NPAT: variants seen among roughly 807,000 people sequenced by gnomAD.
NPAT encodes protein NPAT.
In NPAT, 52 loss-of-function variants were observed where a neutral mutation model predicts 130.7. That is an observed-to-expected ratio of 0.40 (90% CI 0.32 to 0.50). The LOEUF (loss-of-function observed/expected upper bound fraction) is 0.50. Ranked by LOEUF, NPAT falls within the 20% of genes least tolerant of loss-of-function variation. NPAT has a pLI of 0.68. For synonymous variants in NPAT, 580 were observed against 584.8 expected (o/e 0.99, Z 0.12); for missense variants, 1,687 against 1,662.6 (o/e 1.01, Z -0.26).
intron 15 of NPAT, among the ~76,000 whole-genome samples, chr11:108,169,465 T>C (rs1266090565): frequency 6.6e-6 from 1 of 152,148 alleles, no homozygotes; most frequent in Non-Finnish European, 1.5e-5. Flanking sequence ...TTGAAAGCTG[T>C]TGGGAAAAAT....
At position 108,209,617 on chromosome 11, in the gene NPAT, C is replaced by T. The variant is rs536112500; in HGVS notation, c.38-12197G>A. On this transcript the variant is annotated intron_variant, in intron 1 of 17. Transcript: ENST00000278612. ...ATCAATTACCACATTGGGCCAGGCA[C>T]GGTGGCTCACGCCTGTAATCCCAGC... Among the ~76,000 whole-genome samples the T allele has an allele frequency of 9.2e-5, 14 of 151,976 alleles. No individual in the cohort carries two copies. In the South Asian group the frequency reaches 2.7e-3, roughly 29 times the overall value.
chr11:108,206,280 T>C (rs1208223861), intron 1 of NPAT, among the ~76,000 whole-genome samples: 2 of 150,268 alleles, frequency 1.3e-5, no homozygotes, highest in Admixed American at 6.6e-5. Context: ...TGCCTTTGCC[T>C]GAGTTTTGCT....
At chr11:108,213,090 ATGGAGAAACCC>A (rs2078399956) in intron 1 of NPAT, among the ~76,000 whole-genome samples, 1 of 152,100 alleles carries the variant, frequency 6.6e-6, no homozygotes, top group South Asian at 2.1e-4. Flanking sequence ...CCTGACCAAC[ATGGAGAAACCC>A]TGGTGCTACT....
At chr11:108,163,667 C>T (rs2077874461) in intron 15 of NPAT, among the ~76,000 whole-genome samples, 1 of 152,130 alleles carries the variant, frequency 6.6e-6, no homozygotes, top group Non-Finnish European at 1.5e-5. Flanking sequence ...GTTTGAAGGC[C>T]TTGAGTTACA....
chr11:108,158,423 A>G lies in NPAT; in HGVS notation c.*519T>C, dbSNP rs1009384881. On this transcript the variant is annotated 3_prime_UTR_variant, in exon 18 of 18. Transcript: ENST00000278612. Reference sequence around the variant, plus strand: ...AAAACTCATCAAACTGTTGATTTCTAATTAGATATTTTGCTATCAGTTGAG... The same window carrying G: ...AAAACTCATCAAACTGTTGATTTCTGATTAGATATTTTGCTATCAGTTGAG... 1.3e-5 allele frequency: 2 copies of G among 153,248 alleles called. No individual in the cohort carries two copies. Among genetic ancestry groups the G allele is most frequent in the Non-Finnish European group, 2.9e-5 (2 of 68,614 alleles). 9.5% of individuals were successfully genotyped at this position (153,248 alleles called of 1,614,324 possible). A position where few individuals can be genotyped will look rare whatever the true frequency, so the allele number is the denominator to read the frequency against.
intron 17 of NPAT, among the ~76,000 whole-genome samples, chr11:108,159,261 G>A (rs1002096074): frequency 2.6e-5 from 4 of 152,128 alleles, no homozygotes; most frequent in African/African-American, 9.7e-5. Flanking sequence ...TACAAATCCA[G>A]AGTGTCTGAA....
intron 1 of NPAT, among the ~76,000 whole-genome samples, chr11:108,212,923 G>T (rs571412208): frequency 7.3e-6 from 1 of 136,826 alleles, no homozygotes; most frequent in East Asian, 2.2e-4. Context: ...TCCAGCCTGG[G>T]CAACAGAGCA....
intron 15 of NPAT, among the ~76,000 whole-genome samples, chr11:108,168,964 G>C (rs897380481): frequency 1.3e-5 from 2 of 152,162 alleles, no homozygotes; most frequent in African/African-American, 4.8e-5. Context: ...GGGCAAAGGG[G>C]AGTTGCTGAA....
chr11:108,181,281 T>C (rs1323257757), intron 10 of NPAT, among the ~76,000 whole-genome samples: 1 of 152,154 alleles, frequency 6.6e-6, no homozygotes, highest in African/African-American at 2.4e-5. Flanking sequence ...CTGGCCGACA[T>C]GGCAAAACCC....
At chr11:108,185,127 C>T (rs1369120112) in intron 10 of NPAT, 105 bp downstream of exon 10, 1 of 789,496 alleles carries the variant, frequency 1.3e-6, no homozygotes, top group Non-Finnish European at 2.2e-6. Flanking sequence ...GATGGCAAAT[C>T]ATAACATCTT....
chr11:108,163,377 G>A (rs1033853038), intron 15 of NPAT, among the ~76,000 whole-genome samples: 8 of 152,084 alleles, frequency 5.3e-5, no homozygotes, highest in African/African-American at 1.9e-4. Context: ...CACCATGCCC[G>A]GCCCCTTTAA....
chr11:108,176,478 G>C, intron 11 of NPAT, 104 bp from the exon 12 acceptor site: 5 of 850,368 alleles, frequency 5.9e-6, no homozygotes, highest in South Asian at 5.9e-5. Flanking sequence ...CTTCGATTTA[G>C]GGTTTTATGG....
At chr11:108,220,321 T>C (rs930374067) in intron 1 of NPAT, among the ~76,000 whole-genome samples, 1 of 152,210 alleles carries the variant, frequency 6.6e-6, no homozygotes, top group Non-Finnish European at 1.5e-5. Flanking sequence ...CATTGTTCTT[T>C]GAATAAATTT....
chr11:108,178,342 C>T (rs1339896349), intron 10 of NPAT, among the ~76,000 whole-genome samples: 1 of 152,108 alleles, frequency 6.6e-6, no homozygotes, highest in Non-Finnish European at 1.5e-5. Context: ...TGACTGACAA[C>T]AGTGTTTCTG....
chr11:108,185,712 G>A (rs2078100492), intron 8 of NPAT, among the ~76,000 whole-genome samples: 1 of 152,104 alleles, frequency 6.6e-6, no homozygotes, highest in African/African-American at 2.4e-5. Flanking sequence ...TTCTTATACA[G>A]TTCCACACTC....
chr11:108,179,629 T>C (rs963951776), intron 10 of NPAT, among the ~76,000 whole-genome samples: 2 of 152,158 alleles, frequency 1.3e-5, no homozygotes, highest in Non-Finnish European at 2.9e-5. Context: ...GGGTGGCTTA[T>C]CCTCGTTTGA....
intron 10 of NPAT, among the ~76,000 whole-genome samples, chr11:108,184,524 A>G (rs2078086526): frequency 1.9e-5 from 2 of 106,426 alleles, no homozygotes; most frequent in Admixed American, 2.1e-4. Context: ...ACTTGGATTC[A>G]TTACATATTT....
intron 10 of NPAT, among the ~76,000 whole-genome samples, 170 bp downstream of exon 10, chr11:108,185,062 T>C (rs2078093103): frequency 1.3e-5 from 2 of 152,242 alleles, no homozygotes; most frequent in African/African-American, 4.8e-5. Flanking sequence ...ACAGACTGCA[T>C]TCAATGAATG....
chr11:108,196,897 A>G (rs2078227106), intron 2 of NPAT, among the ~76,000 whole-genome samples: 1 of 152,250 alleles, frequency 6.6e-6, no homozygotes, highest in Non-Finnish European at 1.5e-5. Flanking sequence ...TCTGGAAGGT[A>G]TCCACTATGT....
Sources: gnomAD v4.1 joint callset for allele counts (sites outside exome capture counted in the v4.1 genomes callset) on GRCh38, gnomAD v4.1.1 for gene constraint, MANE v1.5 for transcripts, NCBI Gene and HGNC (gene_info 2026-07-23, HGNC 2026-07-21) for gene names.